The following GRIN2A variants were observed in gnomAD, a reference collection of about 807,000 sequenced individuals.
The protein encoded by GRIN2A is glutamate receptor ionotropic, NMDA 2A.
GRIN2A carries 22 observed loss-of-function variants against 113.4 expected under a neutral mutation model. The ratio of observed to expected loss-of-function variants is 0.19; its 90% CI spans 0.14 to 0.28. GRIN2A has a LOEUF of 0.28. Ranked by LOEUF, GRIN2A falls within the 10% of genes least tolerant of loss-of-function variation. The probability of loss-of-function intolerance (pLI) is 1.00; values close to 1 mark genes in which losing one functional copy is unlikely to be tolerated. For missense variants in GRIN2A, 1,502 were observed against 1,887.0 expected (o/e 0.80, Z 3.78); for synonymous variants, 827 against 738.4 (o/e 1.12, Z -1.94).
intron 8 of GRIN2A, among the ~76,000 whole-genome samples, chr16:9,832,649 A>C (rs2042517205): frequency 6.6e-6 from 1 of 152,230 alleles, no homozygotes; most frequent in Non-Finnish European, 1.5e-5. Flanking sequence ...AAATGTGTAA[A>C]TTCACAACAG....
intron 2 of GRIN2A, among the ~76,000 whole-genome samples, chr16:10,175,962 G>A (rs1017414961): frequency 4.6e-5 from 7 of 151,212 alleles, no homozygotes; most frequent in Non-Finnish European, 1.0e-4. Context: ...TCTACATCGA[G>A]CATTATTTTC....
At chr16:10,125,647 A>T (rs1425293320) in intron 2 of GRIN2A, among the ~76,000 whole-genome samples, 2 of 79,084 alleles carry the variant, frequency 2.5e-5, no homozygotes, top group Non-Finnish European at 5.4e-5. Context: ...AAAAAAAAAA[A>T]AGACTGTTCC....
intron 10 of GRIN2A, among the ~76,000 whole-genome samples, chr16:9,804,093 A>C (rs1464420792): frequency 6.6e-6 from 1 of 152,194 alleles, no homozygotes; most frequent in Non-Finnish European, 1.5e-5. Context: ...ACTCCAGTCC[A>C]TCGGAAGACA....
chr16:9,883,878 T>C (rs997292771), intron 4 of GRIN2A, among the ~76,000 whole-genome samples: 1 of 152,224 alleles, frequency 6.6e-6, no homozygotes, highest in Non-Finnish European at 1.5e-5. Context: ...GAATGGGACA[T>C]TTCCTTCAGG....
At chr16:9,974,158 G>C (rs1363250791) in intron 2 of GRIN2A, among the ~76,000 whole-genome samples, 1 of 152,178 alleles carries the variant, frequency 6.6e-6, no homozygotes, top group Non-Finnish European at 1.5e-5. Context: ...GAGGGTGGAA[G>C]AAGAGAGACA....
chr16:10,094,651 C>T (rs1444811519), intron 2 of GRIN2A, among the ~76,000 whole-genome samples: 1 of 151,898 alleles, frequency 6.6e-6, no homozygotes, highest in African/African-American at 2.4e-5. Flanking sequence ...GGTTTCACCA[C>T]GTTGGCCAGG....
intron 2 of GRIN2A, among the ~76,000 whole-genome samples, chr16:9,969,330 C>G (rs1414187630): frequency 6.6e-6 from 1 of 152,144 alleles, no homozygotes; most frequent in Non-Finnish European, 1.5e-5. Context: ...TCTTATATCC[C>G]CCTATCATTC....
intron 2 of GRIN2A, among the ~76,000 whole-genome samples, chr16:10,168,233 A>G (rs938117208): frequency 6.6e-6 from 1 of 152,188 alleles, no homozygotes; most frequent in Non-Finnish European, 1.5e-5. Context: ...TGATATATAC[A>G]TAGGTTGTCT....
At chr16:9,982,431 C>T (rs901826090) in intron 2 of GRIN2A, among the ~76,000 whole-genome samples, 2 of 152,156 alleles carry the variant, frequency 1.3e-5, no homozygotes, top group Non-Finnish European at 2.9e-5. Context: ...TCTACTATTC[C>T]TTCTTCATTT....
chr16:10,117,853 T>C (rs567548273), intron 2 of GRIN2A, among the ~76,000 whole-genome samples: 1 of 152,350 alleles, frequency 6.6e-6, no homozygotes, highest in East Asian at 1.9e-4. Flanking sequence ...ATATCTTTCC[T>C]CATCAAGCAT....
intron 2 of GRIN2A, among the ~76,000 whole-genome samples, chr16:10,137,552 T>C (rs2142241393): frequency 6.6e-6 from 1 of 152,266 alleles, no homozygotes; most frequent in East Asian, 1.9e-4. Flanking sequence ...AAGTTCAAAC[T>C]CCATATTCAG....
intron 10 of GRIN2A, among the ~76,000 whole-genome samples, chr16:9,799,964 A>ATATTATTATTATTATTAT (rs71400498): frequency 3.1e-4 from 47 of 149,702 alleles, no homozygotes; most frequent in African/African-American, 1.1e-3. Flanking sequence ...CTGTGCCTAA[A>ATATTATTATTATTATTAT]TATTATTATT....
chr16:10,078,476 G>A (rs1390882699), intron 2 of GRIN2A, among the ~76,000 whole-genome samples: 1 of 31,142 alleles, frequency 3.2e-5, no homozygotes, highest in Non-Finnish European at 8.7e-5. Flanking sequence ...GGGGGGAAAA[G>A]CAGAGTCCAG....
intron 4 of GRIN2A, among the ~76,000 whole-genome samples, chr16:9,884,670 T>C (rs904559828): frequency 6.6e-6 from 1 of 151,918 alleles, no homozygotes; most frequent in African/African-American, 2.4e-5. Flanking sequence ...GCAATCCAAT[T>C]TATTACTCAA....
chr16:10,132,338 C>G (rs1279021293), intron 2 of GRIN2A, among the ~76,000 whole-genome samples: 1 of 48,492 alleles, frequency 2.1e-5, no homozygotes, highest in African/African-American at 5.0e-5. Context: ...AAGACACCGT[C>G]TCAAAAAAAA....
chr16:10,049,279 TTACTC>T (rs1261176877), intron 2 of GRIN2A, among the ~76,000 whole-genome samples: 1 of 152,196 alleles, frequency 6.6e-6, no homozygotes, highest in Non-Finnish European at 1.5e-5. Context: ...TGCTCTGTGT[TTACTC>T]TATCTCAGGC....
chr16:9,924,549 C>G (rs1438202681), intron 3 of GRIN2A, among the ~76,000 whole-genome samples: 1 of 152,158 alleles, frequency 6.6e-6, no homozygotes, highest in African/African-American at 2.4e-5. Context: ...TCATATTTCT[C>G]ATTCTCAGGA....
At chr16:10,118,789 T>G (rs1312742466) in intron 2 of GRIN2A, among the ~76,000 whole-genome samples, 1 of 152,204 alleles carries the variant, frequency 6.6e-6, no homozygotes, top group Admixed American at 6.5e-5. Context: ...AACCAGAGAC[T>G]GTCACAGAAT....
chr16:9,971,837 C>A (rs1284729653), intron 2 of GRIN2A, among the ~76,000 whole-genome samples: 2 of 152,096 alleles, frequency 1.3e-5, no homozygotes, highest in East Asian at 3.8e-4. Context: ...TACCTGAAGG[C>A]TCTGTAGAGT....
Sources: gnomAD v4.1 joint callset for allele counts (sites outside exome capture counted in the v4.1 genomes callset) on GRCh38, gnomAD v4.1.1 for gene constraint, MANE v1.5 for transcripts, NCBI Gene and HGNC (gene_info 2026-07-23, HGNC 2026-07-21) for gene names.